The following SNAP91 variants were observed in gnomAD, a reference collection of about 807,000 sequenced individuals.
The protein encoded by SNAP91 is synaptosome associated protein 91.
A neutral mutation model predicts 100.3 loss-of-function variants in SNAP91; 27 were observed. That is an observed-to-expected ratio of 0.27 (90% CI 0.20 to 0.37). The LOEUF (loss-of-function observed/expected upper bound fraction) is 0.37. Ranked by LOEUF, SNAP91 falls within the 10% of genes least tolerant of loss-of-function variation. The pLI, the probability that SNAP91 is intolerant of heterozygous loss-of-function variation, is 1.00. For synonymous variants in SNAP91, 404 were observed against 398.6 expected, an observed-to-expected ratio of 1.01 and a Z score of -0.16; for missense variants, 986 against 1,123.7, an observed-to-expected ratio of 0.88 and a Z score of 1.75.
At chr6:83,680,436 C>G (rs1157498882) in intron 2 of SNAP91, among the ~76,000 whole-genome samples, 4 of 152,142 alleles carry the variant, frequency 2.6e-5, no homozygotes, top group Non-Finnish European at 5.9e-5. Flanking sequence ...GATGACCCAA[C>G]TCTTTTTTAA....
At chr6:83,661,384 G>T (rs1162105494) in intron 5 of SNAP91, 118 bp downstream of exon 5, 1 of 568,364 alleles carries the variant, frequency 1.8e-6, no homozygotes, top group African/African-American at 1.9e-5. Context: ...CTTTTTTTAG[G>T]TTATTGTAAA....
At chr6:83,667,172 T>C (rs1023922140) in intron 2 of SNAP91, among the ~76,000 whole-genome samples, 6 of 152,080 alleles carry the variant, frequency 3.9e-5, no homozygotes, top group Non-Finnish European at 5.9e-5. Context: ...AAGTACCATA[T>C]AGACCAATGC....
At chr6:83,678,617 A>T (rs1440599079) in intron 2 of SNAP91, among the ~76,000 whole-genome samples, 1 of 152,028 alleles carries the variant, frequency 6.6e-6, no homozygotes, top group Non-Finnish European at 1.5e-5. Flanking sequence ...CTATAACCTA[A>T]TCTCTAAGAT....
At chr6:83,694,514 T>C (rs896746570) in intron 2 of SNAP91, among the ~76,000 whole-genome samples, 1 of 152,186 alleles carries the variant, frequency 6.6e-6, no homozygotes, top group African/African-American at 2.4e-5. Context: ...TATCGTGCCA[T>C]ATACATGGGT....
intron 8 of SNAP91, among the ~76,000 whole-genome samples, chr6:83,633,950 T>C (rs2097318158): frequency 8.0e-6 from 1 of 125,344 alleles, no homozygotes. Context: ...TGGGAACTGT[T>C]GTGGGTGGGG....
chr6:83,664,063 T>C (rs1403365044), intron 3 of SNAP91, among the ~76,000 whole-genome samples: 3 of 152,080 alleles, frequency 2.0e-5, no homozygotes, highest in African/African-American at 7.2e-5. Context: ...TATGGTTTAC[T>C]GAATATTTGA....
chr6:83,708,200 T>C (rs980153485), intron 1 of SNAP91: 9 of 418,060 alleles, frequency 2.2e-5, no homozygotes, highest in Non-Finnish European at 3.8e-5. Context: ...CGTGACACCG[T>C]CCCCATTCTC....
intron 8 of SNAP91, among the ~76,000 whole-genome samples, chr6:83,630,333 G>T (rs1256312745): frequency 6.6e-6 from 1 of 151,948 alleles, no homozygotes; most frequent in Non-Finnish European, 1.5e-5. Flanking sequence ...TCCTTTTCTG[G>T]TTTGGGTATT....
intron 26 of SNAP91, among the ~76,000 whole-genome samples, chr6:83,569,810 C>A (rs1803381238): frequency 6.6e-6 from 1 of 152,194 alleles, no homozygotes; most frequent in Non-Finnish European, 1.5e-5. Flanking sequence ...CAAGCGCTCT[C>A]TTTGCCTGCT....
intron 11 of SNAP91, among the ~76,000 whole-genome samples, chr6:83,614,377 G>A (rs963329377): frequency 8.6e-5 from 13 of 151,622 alleles, no homozygotes; most frequent in Admixed American, 5.9e-4. Context: ...TAAATATAAA[G>A]GGCATACATA....
chr6:83,578,272 A>C (rs565323588), intron 24 of SNAP91, among the ~76,000 whole-genome samples: 9 of 152,268 alleles, frequency 5.9e-5, no homozygotes, highest in Admixed American at 5.2e-4. Flanking sequence ...TCTATGTTTA[A>C]CATTTTGAGT....
At chr6:83,620,896 T>C (rs549509744) in intron 9 of SNAP91, among the ~76,000 whole-genome samples, 171 of 152,022 alleles carry the variant, frequency 1.1e-3, no homozygotes, top group African/African-American at 4.0e-3. Flanking sequence ...TATTTTTTTT[T>C]AGTTGAGACG....
intron 11 of SNAP91, 71 bp downstream of exon 11, chr6:83,614,786 G>A: frequency 9.1e-7 from 1 of 1,093,264 alleles, no homozygotes; most frequent in East Asian, 2.5e-5. Flanking sequence ...ACCAAATGTG[G>A]AATCTTAAGA....
At chr6:83,569,939 G>A (rs183726991) in intron 26 of SNAP91, among the ~76,000 whole-genome samples, 125 of 152,120 alleles carry the variant, frequency 8.2e-4, no homozygotes, top group East Asian at 6.6e-3. Flanking sequence ...GCCCAGTCTC[G>A]GGTATGTCTT....
rs768319378 is a variant in SNAP91, at chr6:83,707,948, G to C, written c.-21C>G. The stretch of plus-strand genomic sequence containing the variant: ...GACATCTTCTGTGGTCGCGTCTACC[G>C]CCTCCTCTTCTGCAGGAAACAAGGG... On this transcript the variant is annotated 5_prime_UTR_variant, in exon 2 of 30. Transcript: ENST00000369694. 2 of 1,561,890 alleles carry C rather than the reference G, an allele frequency of 1.3e-6. No individual in the cohort carries two copies. Among genetic ancestry groups the C allele is most frequent in the South Asian group, 2.4e-5 (2 of 82,442 alleles).
intron 16 of SNAP91, among the ~76,000 whole-genome samples, chr6:83,600,332 T>C (rs1329413016): frequency 5.9e-5 from 9 of 152,186 alleles, no homozygotes; most frequent in Admixed American, 1.3e-4. Flanking sequence ...CAGGGGTACA[T>C]ATTGATTACA....
At position 83,641,013 on chromosome 6, in the gene SNAP91, T is replaced by C. The variant is rs532402171; in HGVS notation, c.765+83A>G. ...CCAACCCTAATATACTGTGACTCTCTTACACCTTCTATTATATATACTCCA... is the reference window on the plus strand; with the variant it reads ...CCAACCCTAATATACTGTGACTCTCCTACACCTTCTATTATATATACTCCA... On this transcript the variant is annotated intron_variant, in intron 8 of 29. Transcript: ENST00000369694. 8.1e-5 allele frequency: 62 copies of C among 768,056 alleles called. No homozygotes were observed. The African/African-American group carries it at 9.6e-4, about 12-fold the overall frequency. 47.6% of individuals were successfully genotyped at this position (768,056 alleles called of 1,614,324 possible). A position where few individuals can be genotyped will look rare whatever the true frequency, so the allele number is the denominator to read the frequency against.
In SNAP91 at chr6:83,639,293, T is replaced by G. The variant is rs935928331; in HGVS notation, c.765+1803A>C. ...GTACATTGGTTGAAAAATTTCTATA[T>G]TAACCAATCATAACAAAACCACTCA... is the stretch of plus-strand genomic sequence containing the variant. On this transcript the variant is annotated intron_variant, in intron 8 of 29. Transcript: ENST00000369694. 3.3e-5 allele frequency among the ~76,000 whole-genome samples: 5 copies of G among 152,260 alleles called. No individual in the cohort carries two copies. The East Asian group carries it at 9.6e-4, about 29-fold the overall frequency.
chr6:83,633,522 G>A (rs1213917532), intron 8 of SNAP91, among the ~76,000 whole-genome samples: 1 of 152,136 alleles, frequency 6.6e-6, no homozygotes, highest in Non-Finnish European at 1.5e-5. Flanking sequence ...GCATGTTTGA[G>A]TTCAGACTTT....
Sources: gnomAD v4.1 joint callset for allele counts (sites outside exome capture counted in the v4.1 genomes callset) on GRCh38, gnomAD v4.1.1 for gene constraint, MANE v1.5 for transcripts, NCBI Gene and HGNC (gene_info 2026-07-23, HGNC 2026-07-21) for gene names.